Variants in PTK7 observed in about 807,000 individuals in gnomAD.
PTK7 encodes protein tyrosine kinase 7 (inactive), also known as inactive tyrosine-protein kinase 7.
Under a neutral mutation model 116.6 loss-of-function variants are expected in PTK7, and 39 were observed. The ratio of observed to expected loss-of-function variants is 0.33; its 90% confidence interval spans 0.26 to 0.44. PTK7 has a LOEUF of 0.44. PTK7 is among the 20% of genes least tolerant of loss of function. PTK7 has a pLI of 1.00. For missense variants in PTK7, 1,169 were observed against 1,425.6 expected (o/e 0.82, Z 2.90); for synonymous variants, 546 against 563.6 (o/e 0.97, Z 0.44).
chr6:43,076,421 TGCCCGCCGCGGAGCGCAGTCTGCGC>T lies in PTK7; in HGVS notation c.-59_-35del, dbSNP rs922007382. ...GCGCTCCGGTGCGCTCCGCCTCCTG[TGCCCGCCGCGGAGCGCAGTCTGCGC>T]GCCCGCCGTGCGCCCTCAGCTCCTT... is the stretch of plus-strand genomic sequence containing the variant. On this transcript the variant is annotated 5_prime_UTR_variant, in exon 1 of 20. Coordinates refer to ENST00000230419, the MANE Select transcript of PTK7 (RefSeq NM_002821.5). The surrounding 1 kb of genome is among the most constrained non-coding windows in gnomAD (Gnocchi z 5.7). 2.2e-4 allele frequency: 293 copies of T among 1,331,432 alleles called. No individual in the cohort carries two copies. Among genetic ancestry groups the T allele is most frequent in the Non-Finnish European group, 2.7e-4 (273 of 1,014,504 alleles). 82.5% of individuals were successfully genotyped at this position (1,331,432 alleles called of 1,614,324 possible). A position where few individuals can be genotyped will look rare whatever the true frequency, so the allele number is the denominator to read the frequency against.
rs1769851099 is a variant in PTK7 at position 43,133,712 on chromosome 6, CAG to C, written c.1228+1029_1228+1030del. On this transcript the variant is annotated intron_variant, in intron 7 of 19. Transcript: ENST00000230419. Reference sequence around the variant, plus strand: ...CACAATAAAAATTACAATATGCACACAGAGACACACATACATACAAACTATTT... The same window carrying C: ...CACAATAAAAATTACAATATGCACACAGACACACATACATACAAACTATTT... 2.6e-5 allele frequency: 4 copies of C among 152,294 alleles called. No homozygotes were observed. In the South Asian group the frequency reaches 8.3e-4, roughly 32 times the overall value. The allele number at this position is 152,294 out of a possible 1,614,324, so 9.4% of individuals were successfully genotyped here. A position where few individuals can be genotyped will look rare whatever the true frequency, so the allele number is the denominator to read the frequency against.
chr6:43,138,758 C>T, intron 7 of PTK7, 91 bp from the exon 8 acceptor site: 1 of 1,493,776 alleles, frequency 6.7e-7, no homozygotes, highest in Non-Finnish European at 9.0e-7. Flanking sequence ...GAACTCAGGG[C>T]CTAGAATGGT....
chr6:43,082,264 C>G (rs555753626), intron 1 of PTK7, among the ~76,000 whole-genome samples: 91 of 152,190 alleles, frequency 6.0e-4, no homozygotes, highest in Non-Finnish European at 1.2e-3. Flanking sequence ...CAACCTCCAC[C>G]TCCTGGGTTC....
At chr6:43,149,481 C>G (rs1431454622) in intron 17 of PTK7, among the ~76,000 whole-genome samples, 1 of 152,198 alleles carries the variant, frequency 6.6e-6, no homozygotes, top group Non-Finnish European at 1.5e-5. Flanking sequence ...CCAGCTGATT[C>G]CTAAGCTCAT....
At chr6:43,151,481 G>T (rs1019421250) in intron 17 of PTK7, among the ~76,000 whole-genome samples, 2 of 151,066 alleles carry the variant, frequency 1.3e-5, no homozygotes, top group Non-Finnish European at 2.9e-5. Context: ...CAAAGTGCTG[G>T]GATTACAGGC....
chr6:43,142,169 C>T lies in PTK7; in HGVS notation c.1920-3C>T, dbSNP rs755423251. On this transcript the variant is annotated splice_region_variant and splice_polypyrimidine_tract_variant and intron_variant, in intron 12 of 19. Coordinates refer to ENST00000230419, the MANE Select transcript of PTK7 (RefSeq NM_002821.5). Reference sequence around the variant, plus strand: ...GCCAGCACTATGGCTTCTCCCCCGACAGGATGCACATCTTCCAGAATGGCT... The same window carrying T: ...GCCAGCACTATGGCTTCTCCCCCGATAGGATGCACATCTTCCAGAATGGCT... 1.2e-6 allele frequency: 2 copies of T among 1,614,000 alleles called. No individual in the cohort carries two copies. Among genetic ancestry groups the T allele is most frequent in the South Asian group, 2.2e-5 (2 of 91,078 alleles).
At chr6:43,144,185 T>C in intron 14 of PTK7, 1 of 478,634 alleles carries the variant, frequency 2.1e-6, no homozygotes, top group Non-Finnish European at 3.8e-6. Flanking sequence ...TAAGGACCAG[T>C]GATTCAGATT....
chr6:43,104,110 A>T (rs1181516552), intron 1 of PTK7, among the ~76,000 whole-genome samples: 1 of 152,186 alleles, frequency 6.6e-6, no homozygotes, highest in Admixed American at 6.5e-5. Context: ...ACTATTCTGG[A>T]GGAGGGAGGG....
intron 7 of PTK7, among the ~76,000 whole-genome samples, chr6:43,137,051 A>C (rs564565134): frequency 1.3e-5 from 2 of 152,334 alleles, no homozygotes; most frequent in East Asian, 3.9e-4. Flanking sequence ...GAAAGTGTCA[A>C]CATCACATTG....
intron 17 of PTK7, among the ~76,000 whole-genome samples, chr6:43,147,062 A>G (rs908291600): frequency 3.9e-5 from 6 of 152,234 alleles, no homozygotes; most frequent in African/African-American, 1.4e-4. Flanking sequence ...AGAAGCAGCA[A>G]GCAGTCCTAG....
chr6:43,109,547 T>C (rs767922600), intron 1 of PTK7, among the ~76,000 whole-genome samples: 2 of 152,176 alleles, frequency 1.3e-5, no homozygotes, highest in African/African-American at 2.4e-5. Context: ...AAGGGATTTA[T>C]TATAATTTAT....
intron 17 of PTK7, 45 bp from the exon 18 acceptor site, chr6:43,158,772 A>T (rs776091488): frequency 2.5e-6 from 4 of 1,592,640 alleles, no homozygotes; most frequent in Non-Finnish European, 3.4e-6. Flanking sequence ...GGTCATCTTG[A>T]TGCCTATTCC....
intron 1 of PTK7, among the ~76,000 whole-genome samples, chr6:43,121,003 T>A (rs1768923374): frequency 6.6e-6 from 1 of 151,598 alleles, no homozygotes; most frequent in Admixed American, 6.6e-5. Flanking sequence ...GGGGTCCAGG[T>A]TCTGATGGTG....
chr6:43,111,246 T>A (rs1422424131), intron 1 of PTK7, among the ~76,000 whole-genome samples: 1 of 152,188 alleles, frequency 6.6e-6, no homozygotes, highest in Non-Finnish European at 1.5e-5. Flanking sequence ...CCTCTGAACT[T>A]CACCAGCACA....
chr6:43,077,007 GC>G (rs1372279590), intron 1 of PTK7: 1 of 1,450,432 alleles, frequency 6.9e-7, no homozygotes, highest in South Asian at 1.3e-5. Flanking sequence ...CTGGTTTGGG[GC>G]CCGATGCCGG....
chr6:43,109,251 A>G (rs1768060718), intron 1 of PTK7, among the ~76,000 whole-genome samples: 1 of 152,074 alleles, frequency 6.6e-6, no homozygotes, highest in Non-Finnish European at 1.5e-5. Context: ...ATGTTGTCCA[A>G]GCTGAACTTG....
intron 18 of PTK7, among the ~76,000 whole-genome samples, 177 bp downstream of exon 18, chr6:43,159,145 A>C (rs1395690117): frequency 1.3e-5 from 2 of 152,184 alleles, no homozygotes; most frequent in African/African-American, 4.8e-5. Context: ...CAGGCTTCCC[A>C]CCCAGTGCAC....
intron 1 of PTK7, among the ~76,000 whole-genome samples, chr6:43,098,133 T>C (rs912618227): frequency 5.3e-5 from 8 of 152,112 alleles, no homozygotes; most frequent in African/African-American, 1.7e-4. Flanking sequence ...TTGTGGGAAG[T>C]GAGCTTGAGA....
At chr6:43,128,668 C>T (rs1158842039) in intron 1 of PTK7, among the ~76,000 whole-genome samples, 3 of 152,110 alleles carry the variant, frequency 2.0e-5, no homozygotes, top group African/African-American at 7.2e-5. Context: ...GCCTATAATC[C>T]CAGCTACTCG....
Sources: gnomAD v4.1 joint callset for allele counts (sites outside exome capture counted in the v4.1 genomes callset) on GRCh38, gnomAD v4.1.1 for gene constraint, Gnocchi (gnomAD v3.1) non-coding constraint, MANE v1.5 for transcripts, NCBI Gene and HGNC (gene_info 2026-07-23, HGNC 2026-07-21) for gene names.